The following PEAK1 variants were observed in gnomAD, a reference collection of about 807,000 sequenced individuals.
The protein encoded by PEAK1 is inactive tyrosine-protein kinase PEAK1.
A neutral mutation model predicts 124.7 loss-of-function variants in PEAK1; 54 were observed. The ratio of observed to expected loss-of-function variants is 0.43; its 90% CI spans 0.35 to 0.54. The LOEUF is 0.54. Among genes scored for constraint, PEAK1 ranks in the 20% least tolerant of loss-of-function variants. PEAK1 has a pLI of 0.01. For synonymous variants in PEAK1, 719 were observed against 760.0 expected, an observed-to-expected ratio of 0.95 and a Z score of 0.89; for missense variants, 2,046 against 2,134.5, an observed-to-expected ratio of 0.96 and a Z score of 0.82.
intron 6 of PEAK1, among the ~76,000 whole-genome samples, chr15:77,220,661 T>C (rs1242693736): frequency 1.3e-5 from 2 of 150,480 alleles, no homozygotes; most frequent in Non-Finnish European, 1.5e-5. Context: ...AAAATTCACA[T>C]GTCTTTTTAT....
intron 5 of PEAK1, among the ~76,000 whole-genome samples, chr15:77,264,634 G>A (rs1267641178): frequency 4.6e-5 from 7 of 152,142 alleles, no homozygotes; most frequent in African/African-American, 9.7e-5. Flanking sequence ...AACATTCCAC[G>A]CTCATGGGTA....
At chr15:77,170,427 T>C (rs551161911) in intron 7 of PEAK1, among the ~76,000 whole-genome samples, 326 of 152,288 alleles carry the variant, frequency 2.1e-3, no homozygotes, top group Non-Finnish European at 3.8e-3. Flanking sequence ...TAGAGGTTCA[T>C]GAATAAGAGG....
chr15:77,334,546 T>C, intron 2 of PEAK1: 1 of 985,432 alleles, frequency 1.0e-6, no homozygotes, highest in South Asian at 4.7e-5. Context: ...ATTTATGGGT[T>C]GGTTCTCTAT....
At chr15:77,401,389 A>G (rs1023072865) in intron 1 of PEAK1, among the ~76,000 whole-genome samples, 2 of 152,196 alleles carry the variant, frequency 1.3e-5, no homozygotes, top group Non-Finnish European at 2.9e-5. Context: ...GTTTAATTTT[A>G]GCACTAATTA....
chr15:77,366,477 T>C (rs2068247883), intron 1 of PEAK1, among the ~76,000 whole-genome samples: 1 of 151,896 alleles, frequency 6.6e-6, no homozygotes, highest in Admixed American at 6.6e-5. Flanking sequence ...AATATAATAA[T>C]ATATAATATT....
intron 6 of PEAK1, among the ~76,000 whole-genome samples, chr15:77,184,531 C>CAA (rs1447886970): frequency 2.6e-5 from 4 of 152,130 alleles, no homozygotes; most frequent in African/African-American, 9.7e-5. Context: ...GGTTTACAGC[C>CAA]AAAAGCTGGA....
chr15:77,107,066 C>G (rs1205833439), downstream of PEAK1: 1 of 152,272 alleles, frequency 6.6e-6, no homozygotes, highest in African/African-American at 2.4e-5. Flanking sequence ...GGTGACCACT[C>G]AGGCCAGCAG....
chr15:77,279,096 CGTGTGTGCGTGTGTGTGTGT>C (rs1215177582), intron 5 of PEAK1, among the ~76,000 whole-genome samples: 1 of 109,986 alleles, frequency 9.1e-6, no homozygotes, highest in Non-Finnish European at 2.2e-5. Flanking sequence ...CCAAGGTGCT[CGTGTGTGCGTGTGTGTGTGT>C]GTGTGTGTGT....
chr15:77,116,705 T>TCA (rs1566987305), intron 9 of PEAK1, among the ~76,000 whole-genome samples: 17 of 9,584 alleles, frequency 1.8e-3, no homozygotes, highest in Non-Finnish European at 3.8e-3. Context: ...TCAATCAATC[T>TCA]ATCTATCTAT....
chr15:77,411,227 T>C (rs752242179), intron 1 of PEAK1, among the ~76,000 whole-genome samples: 1 of 151,214 alleles, frequency 6.6e-6, no homozygotes, highest in Admixed American at 6.6e-5. Context: ...TGCTTGTAAA[T>C]GGAAACATTT....
At chr15:77,362,137 G>A (rs937390200) in intron 2 of PEAK1, among the ~76,000 whole-genome samples, 1 of 152,098 alleles carries the variant, frequency 6.6e-6, no homozygotes, top group Non-Finnish European at 1.5e-5. Context: ...ACAGTAATAT[G>A]TAGTTTCAAA....
intron 6 of PEAK1, among the ~76,000 whole-genome samples, chr15:77,239,521 T>C (rs1379594391): frequency 6.6e-6 from 1 of 152,186 alleles, no homozygotes; most frequent in African/African-American, 2.4e-5. Flanking sequence ...AGAGATAATA[T>C]AAGAAGAGAG....
intron 9 of PEAK1, among the ~76,000 whole-genome samples, chr15:77,132,162 C>T (rs1269236240): frequency 6.6e-6 from 1 of 151,992 alleles, no homozygotes; most frequent in Non-Finnish European, 1.5e-5. Flanking sequence ...CTCACTTCAG[C>T]CCTGACCTCC....
chr15:77,383,711 T>C (rs193029104), intron 1 of PEAK1, among the ~76,000 whole-genome samples: 1 of 152,340 alleles, frequency 6.6e-6, no homozygotes, highest in African/African-American at 2.4e-5. Flanking sequence ...AAATTAATGG[T>C]TCTAATAAAA....
chr15:77,411,442 T>A (rs1374927756), intron 1 of PEAK1, among the ~76,000 whole-genome samples: 5 of 152,200 alleles, frequency 3.3e-5, no homozygotes, highest in Non-Finnish European at 7.3e-5. Flanking sequence ...GAAACTAATG[T>A]TAACATATGG....
At chr15:77,175,816 C>T (rs376547487) in intron 7 of PEAK1, among the ~76,000 whole-genome samples, 92 of 152,186 alleles carry the variant, frequency 6.0e-4, no homozygotes, top group African/African-American at 2.2e-4. Flanking sequence ...ATGTTTATTG[C>T]GGCATTATTC....
intron 1 of PEAK1, chr15:77,370,986 C>A (rs1385023646): frequency 5.9e-6 from 4 of 680,750 alleles, no homozygotes; most frequent in African/African-American, 2.0e-5. Context: ...GCTGAGATTG[C>A]GCCACTGCAC....
At chr15:77,117,753 C>T (rs1016738233) in intron 9 of PEAK1, among the ~76,000 whole-genome samples, 5 of 151,656 alleles carry the variant, frequency 3.3e-5, no homozygotes, top group Admixed American at 2.6e-4. Flanking sequence ...ATTGTTTGGC[C>T]AAGTCTAGTT....
intron 6 of PEAK1, among the ~76,000 whole-genome samples, chr15:77,186,649 C>T (rs567155173): frequency 6.6e-6 from 1 of 150,984 alleles, no homozygotes; most frequent in Admixed American, 6.6e-5. Flanking sequence ...ACAAAAAAAC[C>T]GAGACATGAA....
Sources: allele counts gnomAD v4.1 joint callset (sites outside exome capture counted in the v4.1 genomes callset), GRCh38; gene constraint gnomAD v4.1.1; transcripts MANE v1.5; gene names NCBI Gene and HGNC (gene_info 2026-07-23, HGNC 2026-07-21).